CSMD1: variants seen among roughly 807,000 people sequenced by gnomAD.
The protein encoded by CSMD1 is CUB and Sushi multiple domains 1.
A neutral mutation model predicts 417.5 loss-of-function variants in CSMD1; 213 were observed. The observed-to-expected ratio is 0.51, with a 90% CI of 0.46 to 0.57. The LOEUF (loss-of-function observed/expected upper bound fraction) is 0.57. Among genes scored for constraint, CSMD1 ranks in the 20% least tolerant of loss-of-function variants. CSMD1 has a pLI of 0.00. For missense variants in CSMD1, 6,923 were observed against 4,529.7 expected (o/e 1.53, Z -15.17); for synonymous variants, 2,862 against 1,736.8 (o/e 1.65, Z -16.11).
chr8:4,491,842 T>C (rs374568333), intron 2 of CSMD1, among the ~76,000 whole-genome samples: 43 of 152,328 alleles, frequency 2.8e-4, no homozygotes, highest in East Asian at 1.9e-3. Flanking sequence ...ACAGTCTTAC[T>C]GTACGATCCA....
At chr8:3,335,175 G>A (rs1345312091) in intron 23 of CSMD1, among the ~76,000 whole-genome samples, 1 of 152,104 alleles carries the variant, frequency 6.6e-6, no homozygotes, top group Non-Finnish European at 1.5e-5. Flanking sequence ...TCCCTCTCAT[G>A]TCACTTGTTA....
At chr8:3,253,612 TA>T (rs1307262824) in intron 26 of CSMD1, among the ~76,000 whole-genome samples, 4 of 152,214 alleles carry the variant, frequency 2.6e-5, no homozygotes, top group African/African-American at 9.6e-5. Context: ...TTGATCTGTC[TA>T]AAGTTGAGAG....
At chr8:3,889,534 T>A (rs560572620) in intron 5 of CSMD1, among the ~76,000 whole-genome samples, 1 of 108,892 alleles carries the variant, frequency 9.2e-6, no homozygotes. Context: ...TATATATACA[T>A]ACACACATAT....
intron 3 of CSMD1, among the ~76,000 whole-genome samples, chr8:4,357,244 T>A (rs1299409214): frequency 6.6e-6 from 1 of 152,164 alleles, no homozygotes; most frequent in Non-Finnish European, 1.5e-5. Context: ...CGTGCTAGAA[T>A]TAGAGGTTCA....
chr8:3,692,691 C>T (rs1027744672), intron 7 of CSMD1, among the ~76,000 whole-genome samples: 8 of 152,036 alleles, frequency 5.3e-5, no homozygotes, highest in Non-Finnish European at 8.8e-5. Flanking sequence ...CCTCGGCCTC[C>T]AGAAGTGCTG....
chr8:4,320,737 T>C (rs1212040676), intron 3 of CSMD1, among the ~76,000 whole-genome samples: 1 of 152,198 alleles, frequency 6.6e-6, no homozygotes, highest in Non-Finnish European at 1.5e-5. Context: ...TGTGCCACAT[T>C]TTATTTACCC....
chr8:3,104,633 C>G (rs895943919), intron 46 of CSMD1, among the ~76,000 whole-genome samples: 1 of 151,918 alleles, frequency 6.6e-6, no homozygotes, highest in Admixed American at 6.6e-5. Flanking sequence ...GACTGTTTCT[C>G]TCTTTCAGGG....
chr8:4,965,885 A>T (rs1344799896), intron 1 of CSMD1, among the ~76,000 whole-genome samples: 35 of 152,184 alleles, frequency 2.3e-4, no homozygotes, highest in Admixed American at 2.3e-3. Context: ...ATATATTTAC[A>T]TAAGTAGAGA....
At chr8:3,684,822 C>T (rs541172732) in intron 7 of CSMD1, among the ~76,000 whole-genome samples, 1 of 152,058 alleles carries the variant, frequency 6.6e-6, no homozygotes, top group East Asian at 1.9e-4. Context: ...GATCATATTC[C>T]AAACTAGTAT....
At chr8:4,045,955 C>A (rs978879087) in intron 3 of CSMD1, among the ~76,000 whole-genome samples, 2 of 151,986 alleles carry the variant, frequency 1.3e-5, no homozygotes, top group Admixed American at 6.6e-5. Context: ...TCATTCAAAT[C>A]AAAGTATATT....
chr8:4,186,703 TC>T (rs915440227), intron 3 of CSMD1, among the ~76,000 whole-genome samples: 1 of 152,058 alleles, frequency 6.6e-6, no homozygotes, highest in African/African-American at 2.4e-5. Flanking sequence ...AATATTTTTT[TC>T]AGCGGCGTAC....
rs1224160285 is a variant in CSMD1 at position 3,914,391 on chromosome 8, A to ACGGTC, written c.818+83511_818+83512insGACCG. Among the ~76,000 whole-genome samples the ACGGTC allele has an allele frequency of 7.9e-4, 121 of 152,236 alleles. 1 individual carries two copies. The highest frequency in any genetic ancestry group is 6.2e-4 in the South Asian group (3 of 4,832). Reference sequence around the variant, plus strand: ...TAGATGTAAAAACATACGGGTACAGATAAAGATGTTTGGTGCAAGAAAGGA... The same window carrying ACGGTC: ...TAGATGTAAAAACATACGGGTACAGACGGTCTAAAGATGTTTGGTGCAAGAAAGGA... On this transcript the variant is annotated intron_variant, in intron 5 of 69. Coordinates refer to ENST00000635120, the MANE Select transcript of CSMD1 (RefSeq NM_033225.6).
At chr8:4,869,966 A>G (rs1415472127) in intron 1 of CSMD1, among the ~76,000 whole-genome samples, 3 of 152,092 alleles carry the variant, frequency 2.0e-5, no homozygotes, top group Non-Finnish European at 4.4e-5. Context: ...TAATTGGTTA[A>G]GGTGACATTT....
chr8:4,209,203 C>G (rs1442861753), intron 3 of CSMD1, among the ~76,000 whole-genome samples: 1 of 152,020 alleles, frequency 6.6e-6, no homozygotes, highest in Non-Finnish European at 1.5e-5. Flanking sequence ...TATCGCTCAC[C>G]TTTTCAACAC....
intron 7 of CSMD1, among the ~76,000 whole-genome samples, chr8:3,697,806 T>C (rs1216915943): frequency 1.3e-5 from 2 of 152,340 alleles, no homozygotes; most frequent in Non-Finnish European, 1.5e-5. Context: ...CTAAAATTTA[T>C]ACTTCCTTTT....
At chr8:4,575,369 G>A (rs1030629744) in intron 2 of CSMD1, among the ~76,000 whole-genome samples, 8 of 152,174 alleles carry the variant, frequency 5.3e-5, no homozygotes, top group Non-Finnish European at 1.2e-4. Context: ...GTTGCGGGAT[G>A]AAAAGGAAGC....
At chr8:3,125,213 C>T (rs1429664484) in intron 41 of CSMD1, among the ~76,000 whole-genome samples, 1 of 152,144 alleles carries the variant, frequency 6.6e-6, no homozygotes, top group African/African-American at 2.4e-5. Flanking sequence ...TGGAAGGATC[C>T]TGTTGCATCC....
chr8:3,808,666 T>C (rs1004756852), intron 5 of CSMD1, among the ~76,000 whole-genome samples: 1 of 152,180 alleles, frequency 6.6e-6, no homozygotes, highest in East Asian at 1.9e-4. Context: ...TAGGTCTTGT[T>C]TGTAGGATAT....
chr8:4,892,370 G>C (rs576444469), intron 1 of CSMD1, among the ~76,000 whole-genome samples: 1 of 152,064 alleles, frequency 6.6e-6, no homozygotes, highest in Non-Finnish European at 1.5e-5. Flanking sequence ...GTGTGAACAA[G>C]AGCAAGGGGG....
Sources: allele counts gnomAD v4.1 joint callset (sites outside exome capture counted in the v4.1 genomes callset), GRCh38; gene constraint gnomAD v4.1.1; transcripts MANE v1.5; gene names NCBI Gene and HGNC (gene_info 2026-07-23, HGNC 2026-07-21).